CACNA2D3: variants seen among roughly 807,000 people sequenced by gnomAD.
CACNA2D3 encodes voltage-dependent calcium channel subunit alpha-2/delta-3.
CACNA2D3 carries 60 observed loss-of-function variants against 160.6 expected under a neutral mutation model. The ratio of observed to expected loss-of-function variants is 0.37; its 90% CI spans 0.30 to 0.46. The LOEUF (loss-of-function observed/expected upper bound fraction) is 0.46. Ranked by LOEUF, CACNA2D3 falls within the 20% of genes least tolerant of loss-of-function variation. CACNA2D3 has a pLI of 1.00. For synonymous variants in CACNA2D3, 558 were observed against 492.9 expected (o/e 1.13, Z -1.75); for missense variants, 1,205 against 1,365.0 (o/e 0.88, Z 1.85).
rs145651715 is a variant in CACNA2D3, at chr3:54,177,015, AG to A, written c.204+53423del. The stretch of plus-strand genomic sequence containing the variant: ...TTCTTTGCAACTTGGGGATGATAGT[AG>A]GTTACTGGGAGGCAGCTGTATCAAA... On this transcript the variant is annotated intron_variant, in intron 2 of 37. Transcript: ENST00000474759. Among the ~76,000 whole-genome samples, 697 of 152,266 alleles carry A rather than the reference AG, an allele frequency of 4.6e-3. 5 individuals are homozygous for A. The highest frequency in any genetic ancestry group is 0.016 in the African/African-American group (672 of 41,552).
intron 5 of CACNA2D3, among the ~76,000 whole-genome samples, chr3:54,505,704 A>G (rs1575493359): frequency 1.3e-5 from 2 of 152,212 alleles, no homozygotes. Flanking sequence ...TTCAGACATA[A>G]AACAATTCAG....
chr3:54,348,085 T>C (rs1303956135), intron 3 of CACNA2D3, among the ~76,000 whole-genome samples: 2 of 152,238 alleles, frequency 1.3e-5, no homozygotes, highest in African/African-American at 4.8e-5. Flanking sequence ...CTTGGGTTCA[T>C]TGGAGTGATG....
intron 16 of CACNA2D3, among the ~76,000 whole-genome samples, chr3:54,842,925 T>A (rs1349179392): frequency 6.6e-6 from 1 of 150,982 alleles, no homozygotes; most frequent in Non-Finnish European, 1.5e-5. Context: ...CTAGGACAAA[T>A]CAGAGGAAGG....
chr3:54,877,863 T>C (rs2106834458), intron 18 of CACNA2D3, among the ~76,000 whole-genome samples: 1 of 152,228 alleles, frequency 6.6e-6, no homozygotes, highest in South Asian at 2.1e-4. Flanking sequence ...ATGAAAACCA[T>C]GTTAAAGATA....
intron 3 of CACNA2D3, among the ~76,000 whole-genome samples, chr3:54,383,981 C>T (rs1180441288): frequency 6.6e-6 from 1 of 152,106 alleles, no homozygotes; most frequent in African/African-American, 2.4e-5. Context: ...TATACATATA[C>T]ATACACACAT....
intron 13 of CACNA2D3, among the ~76,000 whole-genome samples, chr3:54,799,532 C>G (rs1197081615): frequency 6.6e-6 from 1 of 152,186 alleles, no homozygotes; most frequent in Non-Finnish European, 1.5e-5. Flanking sequence ...AGTTTGTCAG[C>G]TCTCTGCAGG....
intron 2 of CACNA2D3, among the ~76,000 whole-genome samples, chr3:54,273,816 T>A (rs1316348246): frequency 6.6e-6 from 1 of 152,190 alleles, no homozygotes; most frequent in Non-Finnish European, 1.5e-5. Context: ...GCTATTCTGG[T>A]AAGGGTGAGC....
chr3:54,210,105 C>G (rs1035038881), intron 2 of CACNA2D3, among the ~76,000 whole-genome samples: 5 of 152,058 alleles, frequency 3.3e-5, no homozygotes, highest in Non-Finnish European at 7.4e-5. Flanking sequence ...AATAAGAAAA[C>G]ACAACGTTTG....
chr3:54,568,466 C>T (rs547485648), intron 6 of CACNA2D3, among the ~76,000 whole-genome samples: 1 of 152,322 alleles, frequency 6.6e-6, no homozygotes, highest in East Asian at 1.9e-4. Flanking sequence ...ATCTTTATAT[C>T]ACACTCAAAC....
intron 35 of CACNA2D3, among the ~76,000 whole-genome samples, chr3:55,060,941 C>T (rs1484003079): frequency 1.3e-5 from 2 of 152,188 alleles, no homozygotes; most frequent in African/African-American, 4.8e-5. Flanking sequence ...AAATACCATT[C>T]CTTGCCATCT....
intron 3 of CACNA2D3, among the ~76,000 whole-genome samples, chr3:54,343,586 T>G (rs1410633717): frequency 6.6e-6 from 1 of 152,144 alleles, no homozygotes; most frequent in African/African-American, 2.4e-5. Context: ...ACCCAGCTAA[T>G]TTCTTCATTG....
At position 54,162,943 on chromosome 3, in the gene CACNA2D3, G is replaced by A. The variant is rs1200573277; in HGVS notation, c.204+39349G>A. On this transcript the variant is annotated intron_variant, in intron 2 of 37. Transcript: ENST00000474759. ...GTAAGGGGATAGAGAATAGTGGGAGGTGCTGCCTCAGATAGGGCAGTTAGA... is the reference window on the plus strand; with the variant it reads ...GTAAGGGGATAGAGAATAGTGGGAGATGCTGCCTCAGATAGGGCAGTTAGA... Among the ~76,000 whole-genome samples the A allele has an allele frequency of 2.0e-5, 3 of 152,222 alleles. No individual in the cohort carries two copies. The East Asian group carries it at 5.8e-4, about 29-fold the overall frequency.
At chr3:54,921,908 ATATC>A (rs934387060) in intron 27 of CACNA2D3, among the ~76,000 whole-genome samples, 5 of 148,882 alleles carry the variant, frequency 3.4e-5, no homozygotes, top group African/African-American at 1.2e-4. Flanking sequence ...ATTTGTTTAT[ATATC>A]TTTTTTTAAA....
At chr3:54,939,683 G>A (rs1701414124) in intron 27 of CACNA2D3, among the ~76,000 whole-genome samples, 1 of 152,218 alleles carries the variant, frequency 6.6e-6, no homozygotes, top group African/African-American at 2.4e-5. Flanking sequence ...CATTTGTCAT[G>A]GCTGTTTCCC....
At chr3:54,581,438 C>T (rs1322241407) in intron 8 of CACNA2D3, among the ~76,000 whole-genome samples, 1 of 152,192 alleles carries the variant, frequency 6.6e-6, no homozygotes, top group African/African-American at 2.4e-5. Context: ...GAGCTGTATC[C>T]ACGCAACTCT....
At chr3:54,158,253 C>T (rs150803216) in intron 2 of CACNA2D3, among the ~76,000 whole-genome samples, 1 of 152,334 alleles carries the variant, frequency 6.6e-6, no homozygotes, top group African/African-American at 2.4e-5. Flanking sequence ...AGCCAGATCC[C>T]CATACCTGCT....
At chr3:55,030,393 A>G (rs1364156520) in intron 35 of CACNA2D3, among the ~76,000 whole-genome samples, 1 of 152,200 alleles carries the variant, frequency 6.6e-6, no homozygotes, top group African/African-American at 2.4e-5. Context: ...CTTTAATACA[A>G]GTCTGCCTTC....
chr3:54,626,500 T>A (rs1433282765), intron 9 of CACNA2D3: 1 of 1,607,654 alleles, frequency 6.2e-7, no homozygotes, highest in African/African-American at 1.3e-5. Flanking sequence ...GGTGGGCGTC[T>A]ACAACGGCAA....
At chr3:54,815,369 T>G (rs912598395) in intron 13 of CACNA2D3, among the ~76,000 whole-genome samples, 2 of 152,226 alleles carry the variant, frequency 1.3e-5, no homozygotes, top group African/African-American at 4.8e-5. Flanking sequence ...GTTTGTTCGG[T>G]TCTACTCTTT....
Sources: allele counts gnomAD v4.1 joint callset (sites outside exome capture counted in the v4.1 genomes callset), GRCh38; gene constraint gnomAD v4.1.1; transcripts MANE v1.5; gene names NCBI Gene and HGNC (gene_info 2026-07-23, HGNC 2026-07-21).